KCTD16: variants seen among roughly 807,000 people sequenced by gnomAD.
The protein encoded by KCTD16 is potassium channel tetramerization domain containing 16.
KCTD16 carries 13 observed loss-of-function variants against 33.2 expected under a neutral mutation model. That is an observed-to-expected ratio of 0.39 (90% CI 0.25 to 0.62). KCTD16 has a LOEUF of 0.62. Ranked by LOEUF, KCTD16 falls within the 20% of genes least tolerant of loss-of-function variation. The probability of loss-of-function intolerance (pLI) is 0.50; values close to 1 mark genes in which losing one functional copy is unlikely to be tolerated. For missense variants in KCTD16, 441 were observed against 525.1 expected (o/e 0.84, Z 1.57); for synonymous variants, 197 against 195.3 (o/e 1.01, Z -0.07).
intron 3 of KCTD16, among the ~76,000 whole-genome samples, chr5:144,371,915 A>G (rs544086424): frequency 6.8e-4 from 104 of 152,214 alleles, no homozygotes; most frequent in African/African-American, 2.5e-3. Context: ...TCTAGCTGTC[A>G]GTGGGTTCTC....
chr5:144,240,252 A>T (rs1754365180), intron 3 of KCTD16, among the ~76,000 whole-genome samples: 1 of 152,130 alleles, frequency 6.6e-6, no homozygotes, highest in East Asian at 1.9e-4. Context: ...GAGTATCTGG[A>T]ATCTCCTGAG....
At chr5:144,398,708 ACTCT>A (rs367796082) in intron 3 of KCTD16, among the ~76,000 whole-genome samples, 53 of 145,456 alleles carry the variant, frequency 3.6e-4, no homozygotes, top group South Asian at 1.3e-3. Context: ...ACACACACAC[ACTCT>A]CTCTCTCTCT....
intron 3 of KCTD16, among the ~76,000 whole-genome samples, chr5:144,293,958 G>A (rs1755965416): frequency 6.6e-6 from 1 of 152,146 alleles, no homozygotes; most frequent in Admixed American, 6.5e-5. Flanking sequence ...AGGAGATAGA[G>A]ACCATTCCGG....
intron 3 of KCTD16, among the ~76,000 whole-genome samples, chr5:144,381,475 T>C (rs1752213353): frequency 6.6e-6 from 1 of 152,162 alleles, no homozygotes; most frequent in Non-Finnish European, 1.5e-5. Context: ...TCTGCAGGCT[T>C]GGAAGCATAG....
In KCTD16 at chr5:144,471,303, CA is replaced by C. The variant is rs1451948406; in HGVS notation, c.833-2352del. 2.6e-5 allele frequency among the ~76,000 whole-genome samples: 4 copies of C among 152,154 alleles called. No homozygotes were observed. The East Asian group carries it at 7.7e-4, about 29-fold the overall frequency. On this transcript the variant is annotated intron_variant, in intron 3 of 3. Coordinates refer to ENST00000512467, the MANE Select transcript of KCTD16 (RefSeq NM_020768.4). ...ATGGGGAAGGTGACTGACTCTTGGA[CA>C]AAAAGACAGCAATTGCTTCTCTACT...
intron 3 of KCTD16, among the ~76,000 whole-genome samples, chr5:144,418,060 G>C (rs1487227897): frequency 6.6e-6 from 1 of 152,162 alleles, no homozygotes; most frequent in Non-Finnish European, 1.5e-5. Flanking sequence ...TTGGCAGTGA[G>C]TATTACAGCT....
At position 144,226,887 on chromosome 5, in the gene KCTD16, A is replaced by G. The variant is rs1329959345; in HGVS notation, c.832+19341A>G. 2.6e-5 allele frequency among the ~76,000 whole-genome samples: 4 copies of G among 152,144 alleles called. No individual in the cohort carries two copies. In the South Asian group the frequency reaches 8.3e-4, roughly 31 times the overall value. On this transcript the variant is annotated intron_variant, in intron 3 of 3. Coordinates refer to ENST00000512467, the MANE Select transcript of KCTD16 (RefSeq NM_020768.4). The stretch of plus-strand genomic sequence containing the variant: ...TGCGCCTGGCCAAATCTATTTCTTT[A>G]TGAATACATAATAGCCAACATTTGA...
At chr5:144,343,211 A>G (rs199909017) in intron 3 of KCTD16, among the ~76,000 whole-genome samples, 7 of 151,430 alleles carry the variant, frequency 4.6e-5, no homozygotes, top group African/African-American at 1.7e-4. Flanking sequence ...GTGGTCCTGG[A>G]CTCTTTTTGG....
intron 3 of KCTD16, among the ~76,000 whole-genome samples, chr5:144,212,085 C>T (rs933901745): frequency 7.9e-5 from 12 of 152,104 alleles, no homozygotes; most frequent in Admixed American, 2.0e-4. Flanking sequence ...AGATTTGAAG[C>T]TTCTTAATTT....
At chr5:144,265,472 AAC>A (rs1451214783) in intron 3 of KCTD16, among the ~76,000 whole-genome samples, 2 of 152,224 alleles carry the variant, frequency 1.3e-5, no homozygotes, top group Non-Finnish European at 2.9e-5. Flanking sequence ...TTTGTCAGAA[AAC>A]ACACTGAAGT....
At chr5:144,215,566 A>G (rs1235581190) in intron 3 of KCTD16, among the ~76,000 whole-genome samples, 3 of 152,356 alleles carry the variant, frequency 2.0e-5, no homozygotes, top group Admixed American at 6.5e-5. Context: ...CACCAGATAC[A>G]TGATCATTAG....
intron 3 of KCTD16, among the ~76,000 whole-genome samples, chr5:144,407,784 A>C (rs112137039): frequency 3.3e-5 from 5 of 152,164 alleles, no homozygotes; most frequent in African/African-American, 1.2e-4. Flanking sequence ...TATGAGTGAG[A>C]ATGTGCAGTG....
At position 144,355,575 on chromosome 5, in the gene KCTD16, A is replaced by C. The variant is rs73303920; in HGVS notation, c.833-118085A>C. ...TGTGGGCCTTAGTTTACTTCCGTAA[A>C]ATGGCAGGCAGGGAGAAAATCCAAT... On this transcript the variant is annotated intron_variant, in intron 3 of 3. Transcript: ENST00000512467. Among the ~76,000 whole-genome samples, 390 of 152,270 alleles carry C rather than the reference A, an allele frequency of 2.6e-3. 1 individual carries two copies. Among genetic ancestry groups the C allele is most frequent in the African/African-American group, 9.0e-3 (376 of 41,560 alleles).
chr5:144,360,258 AC>A (rs1194220647), intron 3 of KCTD16, among the ~76,000 whole-genome samples: 2 of 151,060 alleles, frequency 1.3e-5, no homozygotes. Flanking sequence ...CTAGCCTCCT[AC>A]CCCCCAAGAG....
At chr5:144,377,503 T>C (rs1561585822) in intron 3 of KCTD16, among the ~76,000 whole-genome samples, 1 of 152,174 alleles carries the variant, frequency 6.6e-6, no homozygotes, top group Non-Finnish European at 1.5e-5. Context: ...TTAAAGAAAA[T>C]GCCTCTCTGG....
At chr5:144,269,739 T>C (rs1755243138) in intron 3 of KCTD16, among the ~76,000 whole-genome samples, 1 of 152,116 alleles carries the variant, frequency 6.6e-6, no homozygotes, top group Non-Finnish European at 1.5e-5. Context: ...CTAGTTTTTG[T>C]TTTCTATATA....
intron 3 of KCTD16, among the ~76,000 whole-genome samples, chr5:144,417,622 A>G (rs1360785702): frequency 2.0e-5 from 3 of 152,178 alleles, no homozygotes; most frequent in Admixed American, 6.6e-5. Context: ...ATGAGATACA[A>G]TTTATTTTTA....
chr5:144,286,919 A>C (rs565285058), intron 3 of KCTD16, among the ~76,000 whole-genome samples: 63 of 152,352 alleles, frequency 4.1e-4, no homozygotes, highest in African/African-American at 1.5e-3. Context: ...AGCACTTACT[A>C]TGTACCAGGT....
chr5:144,288,227 G>A (rs1453257520), intron 3 of KCTD16, among the ~76,000 whole-genome samples: 1 of 152,154 alleles, frequency 6.6e-6, no homozygotes, highest in African/African-American at 2.4e-5. Context: ...AGAAAAGAGT[G>A]GCTTAAATTC....
Sources: allele counts gnomAD v4.1 joint callset (sites outside exome capture counted in the v4.1 genomes callset), GRCh38; gene constraint gnomAD v4.1.1; transcripts MANE v1.5; gene names NCBI Gene and HGNC (gene_info 2026-07-23, HGNC 2026-07-21).